ARHGEF1: variants seen among roughly 807,000 people sequenced by gnomAD.
ARHGEF1 encodes the protein Rho guanine nucleotide exchange factor 1.
A neutral mutation model predicts 119.7 loss-of-function variants in ARHGEF1; 40 were observed. The ratio of observed to expected loss-of-function variants is 0.33; its 90% CI spans 0.26 to 0.44. ARHGEF1 has a LOEUF of 0.44. ARHGEF1 is among the 20% of genes least tolerant of loss of function. The pLI, the probability that ARHGEF1 is intolerant of heterozygous loss-of-function variation, is 1.00. For synonymous variants in ARHGEF1, 494 were observed against 521.0 expected (o/e 0.95, Z 0.71); for missense variants, 976 against 1,268.3 (o/e 0.77, Z 3.50).
chr19:41,909,852 C>G, downstream of ARHGEF1: 1 of 1,600,568 alleles, frequency 6.2e-7, no homozygotes, highest in South Asian at 1.1e-5. The surrounding 1 kb of genome is among the most constrained non-coding windows in gnomAD (Gnocchi z 5.2). Flanking sequence ...CAGCCCCAAG[C>G]CCTTCCTCAC....
chr19:41,915,715 C>G (rs1018362278), intron 18 of ARHGEF1, among the ~76,000 whole-genome samples: 25 of 152,174 alleles, frequency 1.6e-4, no homozygotes, highest in Non-Finnish European at 4.4e-5. Context: ...GTCTCTGTCT[C>G]TGTTTCTGTC....
At chr19:41,908,484 C>T, downstream of ARHGEF1, 2 of 1,231,532 alleles carry the variant, frequency 1.6e-6, no homozygotes, top group South Asian at 4.1e-5. This position sits in a 1 kb window ranked among gnomAD's most constrained non-coding sequence, Gnocchi z 6.7. Context: ...TGTGGGGCCT[C>T]CCCCTGCCCC....
In ARHGEF1 at chr19:41,903,796, C is replaced by T. The variant is rs782340079; in HGVS notation, c.1917+12C>T. Reference sequence around the variant, plus strand: ...TGAGCGAGTTCAAGGTGTGACCATACCCTCCTGCCTCCCCCGCCCCCCTAC... The same window carrying T: ...TGAGCGAGTTCAAGGTGTGACCATATCCTCCTGCCTCCCCCGCCCCCCTAC... On this transcript the variant is annotated intron_variant, in intron 20 of 28. Coordinates refer to ENST00000354532, the MANE Select transcript of ARHGEF1 (RefSeq NM_004706.4). This position sits in a 1 kb window ranked among gnomAD's most constrained non-coding sequence, Gnocchi z 4.2. 8 of 1,612,432 alleles carry T rather than the reference C, an allele frequency of 5.0e-6. 1 individual carries two copies. Among genetic ancestry groups the T allele is most frequent in the Middle Eastern group, 1.7e-4 (1 of 6,060 alleles).
chr19:41,924,498 G>A (rs1187309302), intron 1 of ARHGEF1, among the ~76,000 whole-genome samples: 1 of 152,038 alleles, frequency 6.6e-6, no homozygotes, highest in African/African-American at 2.4e-5. Context: ...GTAATCGGGA[G>A]CTGTCATCAC....
chr19:41,895,642 A>G (rs782273801), intron 12 of ARHGEF1, among the ~76,000 whole-genome samples, 156 bp downstream of exon 12: 1 of 152,018 alleles, frequency 6.6e-6, no homozygotes, highest in Admixed American at 6.5e-5. Context: ...CACCACTGTC[A>G]TTCATAACTT....
chr19:41,900,312 A>G (rs1244666609), intron 14 of ARHGEF1, among the ~76,000 whole-genome samples: 3 of 152,180 alleles, frequency 2.0e-5, no homozygotes, highest in East Asian at 1.9e-4. Context: ...CCACACTTCA[A>G]TCTAGGTGAC....
downstream of ARHGEF1, among the ~76,000 whole-genome samples, chr19:41,911,029 T>A (rs1360916784): frequency 6.6e-6 from 1 of 152,116 alleles, no homozygotes; most frequent in African/African-American, 2.4e-5. Flanking sequence ...CACTGTACGA[T>A]GGAGACGGTG....
upstream of ARHGEF1, among the ~76,000 whole-genome samples, chr19:41,919,171 C>T (rs2074822712): frequency 6.6e-6 from 1 of 151,980 alleles, no homozygotes; most frequent in African/African-American, 2.4e-5. Context: ...CAGCTTACTA[C>T]TCTCAATACC....
rs1256811497 is a variant in ARHGEF1 at position 41,892,821 on chromosome 19, C to T, written c.586C>T (p.Arg196Trp). The stretch of plus-strand genomic sequence containing the variant: ...GGCCCGGGAGCGGCACGTGGCGGAG[C>T]GGCTGCTCATGCACCTGGAGGAGAT... Reference protein sequence around the residue: ...YEARERHVAERLLMHLEEMQH... With the variant: ...YEARERHVAEWLLMHLEEMQH... Residue 196 changes from arginine (R) to tryptophan (W), a missense_variant, in exon 7 of 29, where the codon CGG becomes TGG. Physicochemically the swap from Arg to Trp is moderately radical, Grantham distance 101. Around this residue, in one of 3 missense-constraint regions of ARHGEF1, gnomAD observed 519 missense variants for 580.9 expected, o/e 0.89. Transcript: ENST00000354532. The surrounding 1 kb of genome is among the most constrained non-coding windows in gnomAD (Gnocchi z 6.3). 4 of 1,575,184 alleles carry T rather than the reference C, an allele frequency of 2.5e-6. No homozygotes were observed. The highest frequency in any genetic ancestry group is 1.3e-5 in the African/African-American group (1 of 74,428).
chr19:41,909,817 T>TG, downstream of ARHGEF1: 1 of 1,532,606 alleles, frequency 6.5e-7, no homozygotes, highest in South Asian at 1.3e-5. The surrounding 1 kb of genome is among the most constrained non-coding windows in gnomAD (Gnocchi z 5.2). Flanking sequence ...GAGGGACAGT[T>TG]GGGGGAAAAG....
Position 41,883,315 on chromosome 19 carries a change from C to T in ARHGEF1, c.-20+26C>T. The T allele has an allele frequency of 6.0e-6, 1 of 166,160 alleles. No individual in the cohort carries two copies. The highest frequency in any genetic ancestry group is 9.0e-5 in the South Asian group (1 of 11,114). 10.3% of individuals were successfully genotyped at this position (166,160 alleles called of 1,614,324 possible). Reference sequence around the variant, plus strand: ...GTACTCGGTCCCCGGCCCCGCCCGGCCTCCTCCCCTCGGCTGTTGGGGGAA... The same window carrying T: ...GTACTCGGTCCCCGGCCCCGCCCGGTCTCCTCCCCTCGGCTGTTGGGGGAA... On this transcript the variant is annotated intron_variant, in intron 1 of 28. Transcript: ENST00000354532. The surrounding 1 kb of genome is among the most constrained non-coding windows in gnomAD (Gnocchi z 7.6).
upstream of ARHGEF1, among the ~76,000 whole-genome samples, chr19:41,921,545 C>T (rs538173694): frequency 1.4e-5 from 2 of 147,950 alleles, no homozygotes; most frequent in African/African-American, 2.7e-5. This position sits in a 1 kb window ranked among gnomAD's most constrained non-coding sequence, Gnocchi z 4.4. Context: ...TGGGGAAACA[C>T]GGCAGAAGGA....
chr19:41,927,408 A>T (rs1051587357), intron 1 of ARHGEF1, among the ~76,000 whole-genome samples: 3 of 152,044 alleles, frequency 2.0e-5, no homozygotes, highest in Admixed American at 1.3e-4. Flanking sequence ...ATCCAGATCC[A>T]AATTCGCAGA....
At chr19:41,884,361 A>C in intron 1 of ARHGEF1, 1 of 1,473,790 alleles carries the variant, frequency 6.8e-7, no homozygotes, top group Non-Finnish European at 9.2e-7. Flanking sequence ...TGGCAGGAGG[A>C]GTGGAGCTGG....
chr19:41,927,231 G>A (rs1474550589), intron 1 of ARHGEF1, among the ~76,000 whole-genome samples: 1 of 152,132 alleles, frequency 6.6e-6, no homozygotes, highest in Non-Finnish European at 1.5e-5. Flanking sequence ...GCAGGGCCCT[G>A]CGACAGTGGT....
At position 41,892,190 on chromosome 19, in the gene ARHGEF1, C is replaced by T; in HGVS notation, c.324+67C>T. ...TGGGCCTGCAGAGTCACCATGCGGT[C>T]CCCAGCCTCTGCCCTGAGGGCAGCT... On this transcript the variant is annotated intron_variant, in intron 5 of 28. Coordinates refer to ENST00000354532, the MANE Select transcript of ARHGEF1 (RefSeq NM_004706.4). This position sits in a 1 kb window ranked among gnomAD's most constrained non-coding sequence, Gnocchi z 6.3. 2 of 1,562,210 alleles carry T rather than the reference C, an allele frequency of 1.3e-6. No homozygotes were observed. The highest frequency in any genetic ancestry group is 1.7e-5 in the Admixed American group (1 of 58,770).
downstream of ARHGEF1, among the ~76,000 whole-genome samples, chr19:41,912,401 T>C (rs1365523523): frequency 6.6e-6 from 1 of 152,166 alleles, no homozygotes; most frequent in Non-Finnish European, 1.5e-5. Flanking sequence ...GCTGTCCTCT[T>C]TCCTGGGTCT....
At chr19:41,901,831 C>A (rs774594466) in intron 14 of ARHGEF1, 56 bp from the exon 15 acceptor site, 1 of 1,579,786 alleles carries the variant, frequency 6.3e-7, no homozygotes, top group South Asian at 1.1e-5. Flanking sequence ...CCCATGAGGT[C>A]ATGCCCCCTA....
At chr19:41,911,911 G>A (rs1048326288), downstream of ARHGEF1, among the ~76,000 whole-genome samples, 2 of 151,638 alleles carry the variant, frequency 1.3e-5, no homozygotes, top group Non-Finnish European at 2.9e-5. Context: ...ATTCACTCAT[G>A]TGCACATGGA....
Sources: allele counts gnomAD v4.1 joint callset (sites outside exome capture counted in the v4.1 genomes callset), GRCh38; gene constraint gnomAD v4.1.1; regional missense constraint gnomAD v4.1.1; non-coding constraint Gnocchi (gnomAD v3.1); transcripts MANE v1.5; gene names NCBI Gene and HGNC (gene_info 2026-07-23, HGNC 2026-07-21).